Variants in SDK1 observed in about 807,000 individuals in gnomAD.
The protein encoded by SDK1 is sidekick cell adhesion molecule 1, also known as protein sidekick-1.
A neutral mutation model predicts 245.5 loss-of-function variants in SDK1; 157 were observed. The observed-to-expected ratio is 0.64, with a 90% CI of 0.56 to 0.73. The LOEUF (loss-of-function observed/expected upper bound fraction) is 0.73, where lower values mean the gene tolerates loss of function less well. Among genes scored for constraint, SDK1 ranks in the 30% least tolerant of loss-of-function variants. The pLI is 0.00. For missense variants in SDK1, 3,583 were observed against 3,002.3 expected (o/e 1.19, Z -4.52); for synonymous variants, 1,647 against 1,278.5 (o/e 1.29, Z -6.15).
At chr7:4,143,241 C>T (rs937042600) in intron 28 of SDK1, among the ~76,000 whole-genome samples, 2 of 152,114 alleles carry the variant, frequency 1.3e-5, no homozygotes, top group South Asian at 2.1e-4. Flanking sequence ...TGGACAGGTC[C>T]GGGGAATAAG....
chr7:3,749,942 C>G (rs28379281), intron 4 of SDK1, among the ~76,000 whole-genome samples: 11,615 of 152,182 alleles, frequency 0.076, 1,370 homozygotes, highest in African/African-American at 0.26. Context: ...TAAATTGGTT[C>G]AACATGAGCT....
At chr7:3,461,390 A>G (rs1270409476) in intron 1 of SDK1, among the ~76,000 whole-genome samples, 1 of 152,230 alleles carries the variant, frequency 6.6e-6, no homozygotes, top group Non-Finnish European at 1.5e-5. Context: ...TAACAAAGAT[A>G]TCAAATTTTA....
At chr7:3,380,210 G>C (rs1466533642) in intron 1 of SDK1, among the ~76,000 whole-genome samples, 1 of 152,130 alleles carries the variant, frequency 6.6e-6, no homozygotes, top group Non-Finnish European at 1.5e-5. Context: ...TTTGTCACTA[G>C]GTCAATATCC....
chr7:4,208,098 G>C lies in SDK1; in HGVS notation c.5215-1G>C. 1.9e-6 allele frequency: 3 copies of C among 1,611,160 alleles called. No homozygotes were observed. The highest frequency in any genetic ancestry group is 2.5e-6 in the Non-Finnish European group (3 of 1,178,642). Reference sequence around the variant, plus strand: ...CCCCAACCTCTTGCTGTTCCTAACAGATTTACTACTGGGAGGCAGACAGCC... The same window carrying C: ...CCCCAACCTCTTGCTGTTCCTAACACATTTACTACTGGGAGGCAGACAGCC... On this transcript the variant is annotated splice_acceptor_variant, in intron 36 of 44. Coordinates refer to ENST00000404826, the MANE Select transcript of SDK1 (RefSeq NM_152744.4). LOFTEE classifies it high-confidence loss of function.
In SDK1 at chr7:3,393,177, G is replaced by T. The variant is rs957895399; in HGVS notation, c.298+91293G>T. 2.0e-5 allele frequency among the ~76,000 whole-genome samples: 3 copies of T among 151,728 alleles called. No individual in the cohort carries two copies. In the East Asian group the frequency reaches 5.8e-4, roughly 29 times the overall value. ...AGTAGAGGTGGGGTTTCATCATGTTGGCCAGCCTGGTCTTGAACTCCTGAC... is the reference window on the plus strand; with the variant it reads ...AGTAGAGGTGGGGTTTCATCATGTTTGCCAGCCTGGTCTTGAACTCCTGAC... On this transcript the variant is annotated intron_variant, in intron 1 of 44. Transcript: ENST00000404826.
intron 1 of SDK1, among the ~76,000 whole-genome samples, chr7:3,548,443 C>A (rs776589050): frequency 1.3e-5 from 2 of 152,092 alleles, no homozygotes; most frequent in Non-Finnish European, 2.9e-5. Context: ...ATAGATAATG[C>A]GAGATTACGA....
intron 17 of SDK1, among the ~76,000 whole-genome samples, chr7:4,035,288 AC>A (rs1788133913): frequency 6.6e-6 from 1 of 152,196 alleles, no homozygotes; most frequent in Non-Finnish European, 1.5e-5. Flanking sequence ...CCCAGCCAGC[AC>A]TAAATTAATT....
chr7:3,786,284 C>G (rs957390566), intron 4 of SDK1, among the ~76,000 whole-genome samples: 2 of 152,188 alleles, frequency 1.3e-5, no homozygotes, highest in Admixed American at 6.5e-5. Flanking sequence ...TAAGTAATCT[C>G]TGTTTTCCAC....
chr7:4,106,601 C>A (rs1782927918), intron 22 of SDK1, among the ~76,000 whole-genome samples: 1 of 152,162 alleles, frequency 6.6e-6, no homozygotes, highest in Admixed American at 6.5e-5. Flanking sequence ...CGGCCAGCCC[C>A]CGTTTGTGAC....
intron 4 of SDK1, among the ~76,000 whole-genome samples, chr7:3,723,161 C>T (rs564213168): frequency 3.3e-5 from 5 of 152,158 alleles, no homozygotes; most frequent in African/African-American, 9.7e-5. Context: ...AAATAAAAGG[C>T]TTCTGTACTC....
chr7:3,523,806 A>G (rs747662369), intron 1 of SDK1, among the ~76,000 whole-genome samples: 1 of 152,214 alleles, frequency 6.6e-6, no homozygotes, highest in South Asian at 2.1e-4. Flanking sequence ...CTACCAGCCA[A>G]TTTAGTCTCT....
At chr7:3,707,717 A>T (rs78352380) in intron 4 of SDK1, among the ~76,000 whole-genome samples, 2,257 of 152,268 alleles carry the variant, frequency 0.015, 21 homozygotes, top group South Asian at 0.041. Context: ...ATGTTTCATG[A>T]ATCTGTGAGC....
intron 1 of SDK1, among the ~76,000 whole-genome samples, chr7:3,423,884 A>C (rs1423355297): frequency 6.6e-6 from 1 of 152,158 alleles, no homozygotes; most frequent in African/African-American, 2.4e-5. Context: ...AATGTTCTGA[A>C]CATTAAACAA....
intron 17 of SDK1, among the ~76,000 whole-genome samples, chr7:4,042,497 G>T (rs1329297266): frequency 7.3e-6 from 1 of 136,386 alleles, no homozygotes; most frequent in Non-Finnish European, 1.5e-5. Flanking sequence ...TGCCTGCGTG[G>T]GGGGAATTAT....
intron 1 of SDK1, among the ~76,000 whole-genome samples, chr7:3,423,875 A>G (rs1158494386): frequency 6.6e-6 from 1 of 152,120 alleles, no homozygotes; most frequent in African/African-American, 2.4e-5. Context: ...TTTCCTCTAA[A>G]TGTTCTGAAC....
At chr7:4,044,281 A>G in intron 17 of SDK1, among the ~76,000 whole-genome samples, 1 of 151,760 alleles carries the variant, frequency 6.6e-6, no homozygotes. Context: ...GGATCCCCAC[A>G]CTCCTACCGC....
rs978209100 is a variant in SDK1, at chr7:4,221,264, C to G, written c.5727C>G (p.Val1909=). The change falls in exon 40 of 45, where the codon GTC becomes GTG. Residue 1909 remains valine (V), a synonymous_variant. Transcript: ENST00000404826. Reference sequence around the variant, plus strand: ...GATCCCCGGGCTCGCCTAGAGATGTCCTGGTCACCAAGTCCGCCTCTGAAC... The same window carrying G: ...GATCCCCGGGCTCGCCTAGAGATGTGCTGGTCACCAAGTCCGCCTCTGAAC... The part of the protein sequence containing the change: ...AEGSPGSPRD[V]LVTKSASELT... 6.2e-6 allele frequency: 10 copies of G among 1,613,714 alleles called. No individual in the cohort carries two copies. Among genetic ancestry groups the G allele is most frequent in the Non-Finnish European group, 8.5e-6 (10 of 1,180,012 alleles).
At chr7:4,160,715 T>G (rs1416930021) in intron 31 of SDK1, among the ~76,000 whole-genome samples, 1 of 152,270 alleles carries the variant, frequency 6.6e-6, no homozygotes, top group East Asian at 1.9e-4. Context: ...ATGGCACCGC[T>G]GTATCACCAG....
chr7:4,037,330 T>C (rs1439731176), intron 17 of SDK1, among the ~76,000 whole-genome samples: 7 of 152,056 alleles, frequency 4.6e-5, no homozygotes, highest in Non-Finnish European at 8.8e-5. Flanking sequence ...TCAAAAGAAA[T>C]TCTTGGGCTA....
Sources: gnomAD v4.1 joint callset for allele counts (sites outside exome capture counted in the v4.1 genomes callset) on GRCh38, gnomAD v4.1.1 for gene constraint, MANE v1.5 for transcripts, NCBI Gene and HGNC (gene_info 2026-07-23, HGNC 2026-07-21) for gene names.